The following CTNNA3 variants were observed in gnomAD, a reference collection of about 807,000 sequenced individuals.
The protein encoded by CTNNA3 is catenin alpha 3.
CTNNA3 carries 76 observed loss-of-function variants against 95.7 expected under a neutral mutation model. The observed-to-expected ratio is 0.79, with a 90% CI of 0.66 to 0.96. The LOEUF is 0.96. Ranked by LOEUF, CTNNA3 falls within the 40% of genes least tolerant of loss-of-function variation. The pLI is 0.00. For missense variants in CTNNA3, 1,191 were observed against 1,089.8 expected, an observed-to-expected ratio of 1.09 and a Z score of -1.31; for synonymous variants, 431 against 374.4, an observed-to-expected ratio of 1.15 and a Z score of -1.74.
At chr10:66,633,492 A>C (rs556373698) in intron 9 of CTNNA3, among the ~76,000 whole-genome samples, 10 of 152,174 alleles carry the variant, frequency 6.6e-5, no homozygotes, top group Non-Finnish European at 1.3e-4. Flanking sequence ...CATCCTGGCT[A>C]ACATGGTGAA....
At chr10:66,639,954 C>G (rs1172105013) in intron 9 of CTNNA3, among the ~76,000 whole-genome samples, 1 of 152,082 alleles carries the variant, frequency 6.6e-6, no homozygotes, top group Non-Finnish European at 1.5e-5. Context: ...TACGGATGAA[C>G]TGTGCACCTC....
chr10:65,924,002 G>A lies in CTNNA3; in HGVS notation c.2401-3385C>T, dbSNP rs150321150. ...ATAATCACAAACAATGCCAATTCAG[G>A]TGGCTACTCAGAATTCCTTTTACTT... On this transcript the variant is annotated intron_variant, in intron 17 of 17. Coordinates refer to ENST00000433211, the MANE Select transcript of CTNNA3 (RefSeq NM_013266.4). 3.6e-3 allele frequency among the ~76,000 whole-genome samples: 552 copies of A among 152,124 alleles called. 2 individuals carry two copies. Among genetic ancestry groups the A allele is most frequent in the African/African-American group, 0.013 (535 of 41,494 alleles).
Position 66,969,552 on chromosome 10 carries a change from C to A in CTNNA3, c.1048-194028G>T, listed in dbSNP as rs1003800561. On this transcript the variant is annotated intron_variant, in intron 7 of 17. Transcript: ENST00000433211. ...ATGCCAAATTGCTGCATCAAAAGGA[C>A]AGATTTAGCATTTTTGATCCATAAC... Among the ~76,000 whole-genome samples the A allele has an allele frequency of 1.9e-4, 29 of 152,060 alleles. 1 individual carries two copies. The highest frequency in any genetic ancestry group is 7.0e-4 in the African/African-American group (29 of 41,398).
At chr10:66,824,432 T>C (rs1316326528) in intron 7 of CTNNA3, among the ~76,000 whole-genome samples, 1 of 152,180 alleles carries the variant, frequency 6.6e-6, no homozygotes, top group African/African-American at 2.4e-5. Flanking sequence ...TTCAAATCTC[T>C]ACTCATTTAA....
chr10:67,301,036 T>C (rs908771900), intron 5 of CTNNA3, among the ~76,000 whole-genome samples: 1 of 152,204 alleles, frequency 6.6e-6, no homozygotes, highest in African/African-American at 2.4e-5. Flanking sequence ...AGTAAAATAC[T>C]TTTATACACT....
intron 11 of CTNNA3, among the ~76,000 whole-genome samples, chr10:66,432,115 AG>A (rs1443097112): frequency 6.6e-6 from 1 of 152,070 alleles, no homozygotes; most frequent in African/African-American, 2.4e-5. Context: ...ACTTTATTGA[AG>A]TATGGTATTT....
intron 15 of CTNNA3, among the ~76,000 whole-genome samples, chr10:66,050,424 ATTT>A (rs200349556): frequency 6.9e-6 from 1 of 145,968 alleles, no homozygotes; most frequent in South Asian, 2.2e-4. Context: ...ATCCTCATGC[ATTT>A]TTTTTTTTTC....
Position 66,281,715 on chromosome 10 carries a change from A to G in CTNNA3, c.1733-1094T>C, listed in dbSNP as rs1456279925. ...CAATAAATGTTATTTTTCTACATTT[A>G]AGTTGTATCTGCTTGTATGGCATAC... On this transcript the variant is annotated intron_variant, in intron 12 of 17. Coordinates refer to ENST00000433211, the MANE Select transcript of CTNNA3 (RefSeq NM_013266.4). Among the ~76,000 whole-genome samples the G allele has an allele frequency of 2.6e-5, 4 of 151,882 alleles. No individual in the cohort carries two copies. In the East Asian group the frequency reaches 5.8e-4, roughly 22 times the overall value.
At chr10:66,844,251 A>G (rs1843172366) in intron 7 of CTNNA3, among the ~76,000 whole-genome samples, 1 of 152,220 alleles carries the variant, frequency 6.6e-6, no homozygotes, top group Admixed American at 6.5e-5. Flanking sequence ...GGTTTTTCCA[A>G]ATAATATTCA....
At chr10:66,076,500 T>C (rs957142917) in intron 14 of CTNNA3, among the ~76,000 whole-genome samples, 16 of 151,690 alleles carry the variant, frequency 1.1e-4, no homozygotes, top group African/African-American at 3.6e-4. Context: ...TATACATTTC[T>C]ACATTTTTAT....
chr10:67,727,644 T>C (rs1036596965), intron 1 of CTNNA3, among the ~76,000 whole-genome samples: 3 of 128,260 alleles, frequency 2.3e-5, no homozygotes, highest in East Asian at 2.1e-4. Flanking sequence ...TATTATATAT[T>C]ATTATATTAT....
intron 5 of CTNNA3, 120 bp from the exon 6 acceptor site, chr10:67,219,990 T>C: frequency 1.3e-6 from 1 of 758,902 alleles, no homozygotes; most frequent in Non-Finnish European, 2.1e-6. Context: ...AGAAGTCAGC[T>C]ATAAGTTATA....
intron 7 of CTNNA3, among the ~76,000 whole-genome samples, chr10:67,093,115 T>C (rs1389061599): frequency 6.6e-6 from 1 of 151,918 alleles, no homozygotes; most frequent in Non-Finnish European, 1.5e-5. Flanking sequence ...GGTAAATTCA[T>C]GGAGAGAAAC....
intron 5 of CTNNA3, among the ~76,000 whole-genome samples, chr10:67,278,025 T>C (rs560195873): frequency 6.6e-6 from 1 of 152,304 alleles, no homozygotes; most frequent in East Asian, 1.9e-4. Flanking sequence ...CCCAGTAAAC[T>C]TGCTTTCACT....
At chr10:67,591,058 T>A (rs533425307) in intron 3 of CTNNA3, among the ~76,000 whole-genome samples, 1 of 151,908 alleles carries the variant, frequency 6.6e-6, no homozygotes, top group African/African-American at 2.4e-5. Context: ...CTACCTGGAG[T>A]TGACTTTTTG....
chr10:66,641,329 G>A (rs1030827181), intron 9 of CTNNA3, among the ~76,000 whole-genome samples: 1 of 152,084 alleles, frequency 6.6e-6, no homozygotes, highest in Non-Finnish European at 1.5e-5. Flanking sequence ...CCATGTTGTA[G>A]CATATTGCAT....
At chr10:66,228,359 T>C (rs183350322) in intron 13 of CTNNA3, among the ~76,000 whole-genome samples, 1 of 152,162 alleles carries the variant, frequency 6.6e-6, no homozygotes, top group East Asian at 1.9e-4. Context: ...TGGTATGCTG[T>C]CTTTCAATTT....
intron 6 of CTNNA3, among the ~76,000 whole-genome samples, chr10:67,190,602 C>G (rs529819347): frequency 4.3e-4 from 66 of 151,968 alleles, no homozygotes; most frequent in African/African-American, 1.5e-3. Context: ...CTTTTAGATT[C>G]AAGTATTAAT....
intron 10 of CTNNA3, among the ~76,000 whole-genome samples, chr10:66,575,891 C>T (rs1290896146): frequency 1.3e-5 from 2 of 152,054 alleles, no homozygotes; most frequent in Non-Finnish European, 2.9e-5. Flanking sequence ...TTCTTTAATA[C>T]CTGTGATCAC....
Sources: allele counts gnomAD v4.1 joint callset (sites outside exome capture counted in the v4.1 genomes callset), GRCh38; gene constraint gnomAD v4.1.1; transcripts MANE v1.5; gene names NCBI Gene and HGNC (gene_info 2026-07-23, HGNC 2026-07-21).